Variants in GPR39 observed in about 807,000 individuals in gnomAD.
The protein encoded by GPR39 is zinc sensing receptor.
Under a neutral mutation model 18.4 loss-of-function variants are expected in GPR39, and 23 were observed. That is an observed-to-expected ratio of 1.25 (90% CI 0.90 to 1.77). The LOEUF (loss-of-function observed/expected upper bound fraction) is 1.77, where lower values mean the gene tolerates loss of function less well. Among genes scored for constraint, GPR39 ranks in the 40% most tolerant of loss-of-function variants. The probability of loss-of-function intolerance (pLI) is 0.00; values close to 1 mark genes in which losing one functional copy is unlikely to be tolerated. For missense variants in GPR39, 647 were observed against 602.4 expected (o/e 1.07, Z -0.78); for synonymous variants, 280 against 257.9 (o/e 1.09, Z -0.82).
intron 1 of GPR39, among the ~76,000 whole-genome samples, chr2:132,419,224 G>A (rs1679964778): frequency 6.6e-6 from 1 of 152,214 alleles, no homozygotes; most frequent in Admixed American, 6.5e-5. Context: ...ACTTTACTCT[G>A]TGTCTGCACA....
chr2:132,618,529 C>T (rs1169690953), intron 1 of GPR39, among the ~76,000 whole-genome samples: 1 of 152,026 alleles, frequency 6.6e-6, no homozygotes, highest in Admixed American at 6.6e-5. Context: ...TAAATGGGGA[C>T]AAAGAGTGAA....
chr2:132,595,546 C>T (rs578129504), intron 1 of GPR39, among the ~76,000 whole-genome samples: 10 of 152,254 alleles, frequency 6.6e-5, no homozygotes, highest in African/African-American at 2.4e-4. Flanking sequence ...ACATCCCCAC[C>T]ACTGGAGACG....
chr2:132,544,971 G>A (rs1404526514), intron 1 of GPR39, among the ~76,000 whole-genome samples: 1 of 152,218 alleles, frequency 6.6e-6, no homozygotes, highest in Non-Finnish European at 1.5e-5. Flanking sequence ...GTAGATATAT[G>A]TAAAATAGGT....
intron 1 of GPR39, among the ~76,000 whole-genome samples, chr2:132,619,174 G>T (rs1333324684): frequency 6.6e-6 from 1 of 152,180 alleles, no homozygotes; most frequent in African/African-American, 2.4e-5. Context: ...GCGAGATCAT[G>T]GTGAGGTGCA....
At chr2:132,619,830 GACACACACACACACACACAC>G (rs59907073) in intron 1 of GPR39, among the ~76,000 whole-genome samples, 11 of 138,570 alleles carry the variant, frequency 7.9e-5, no homozygotes, top group African/African-American at 3.1e-4. Context: ...CACAGACACA[GACACACACACACACACACAC>G]ACACACAGAC....
chr2:132,515,039 A>C (rs1679307117), intron 1 of GPR39, among the ~76,000 whole-genome samples: 1 of 152,240 alleles, frequency 6.6e-6, no homozygotes, highest in East Asian at 1.9e-4. Flanking sequence ...ACAAACCTCA[A>C]GTTCCCTAAC....
intron 1 of GPR39, among the ~76,000 whole-genome samples, chr2:132,510,830 T>C (rs112499251): frequency 8.4e-4 from 128 of 152,312 alleles, no homozygotes; most frequent in Non-Finnish European, 1.7e-3. Flanking sequence ...CTCAAGATGA[T>C]CTTTACCTGA....
chr2:132,519,741 A>C (rs143615537), intron 1 of GPR39, among the ~76,000 whole-genome samples: 1 of 152,276 alleles, frequency 6.6e-6, no homozygotes, highest in East Asian at 1.9e-4. Context: ...CCAGCACACA[A>C]GGCCCTCTGA....
intron 1 of GPR39, among the ~76,000 whole-genome samples, chr2:132,559,343 G>T (rs907048399): frequency 5.3e-5 from 8 of 152,164 alleles, no homozygotes; most frequent in Admixed American, 1.3e-4. Context: ...CACATGGAGG[G>T]TGAGGTGTTT....
At chr2:132,497,636 A>G (rs527844750) in intron 1 of GPR39, among the ~76,000 whole-genome samples, 13 of 152,276 alleles carry the variant, frequency 8.5e-5, no homozygotes, top group African/African-American at 3.1e-4. Context: ...ATTATTTCCC[A>G]CTTTGGAACA....
intron 1 of GPR39, among the ~76,000 whole-genome samples, chr2:132,445,774 G>A (rs1558800692): frequency 6.6e-6 from 1 of 152,158 alleles, no homozygotes; most frequent in Admixed American, 6.5e-5. Context: ...ATGATGATCT[G>A]CCTTCTAGAA....
chr2:132,473,653 T>C (rs1264057066), intron 1 of GPR39, among the ~76,000 whole-genome samples: 1 of 152,194 alleles, frequency 6.6e-6, no homozygotes, highest in Non-Finnish European at 1.5e-5. Flanking sequence ...ATCTAACTTA[T>C]CAGTTAGCAT....
At chr2:132,604,797 T>A (rs1007413380) in intron 1 of GPR39, 5 of 152,276 alleles carry the variant, frequency 3.3e-5, no homozygotes, top group Non-Finnish European at 7.3e-5. Context: ...GAGAGAGTTT[T>A]AGGCAGAGAG....
rs1680538762 is a variant in GPR39, at chr2:132,576,920, G to A, written c.857-68181G>A. ...GGCATGCTTATCAAAAATCGGTTGT[G>A]CATATTTGTTTGAATTTGTTTTCCT... On this transcript the variant is annotated intron_variant, in intron 1 of 1. Transcript: ENST00000329321. 2.0e-5 allele frequency among the ~76,000 whole-genome samples: 3 copies of A among 152,120 alleles called. 1 individual carries two copies. In the South Asian group the frequency reaches 6.2e-4, roughly 32 times the overall value.
chr2:132,619,289 G>A (rs1240315538), intron 1 of GPR39, among the ~76,000 whole-genome samples: 1 of 152,188 alleles, frequency 6.6e-6, no homozygotes, highest in Non-Finnish European at 1.5e-5. Flanking sequence ...TGGACTGGGT[G>A]GCTGAGAAAT....
At chr2:132,520,271 G>A (rs2104766157) in intron 1 of GPR39, among the ~76,000 whole-genome samples, 1 of 152,270 alleles carries the variant, frequency 6.6e-6, no homozygotes, top group Middle Eastern at 3.4e-3. Context: ...ATACTGCTGT[G>A]GTACTTGCAT....
chr2:132,444,394 C>T (rs748727924), intron 1 of GPR39, among the ~76,000 whole-genome samples: 2 of 151,992 alleles, frequency 1.3e-5, no homozygotes, highest in Admixed American at 1.3e-4. Flanking sequence ...GGGCTCAAGC[C>T]GTCTTCCCAC....
At chr2:132,641,346 C>A (rs200529900) in intron 1 of GPR39, among the ~76,000 whole-genome samples, 3 of 152,134 alleles carry the variant, frequency 2.0e-5, no homozygotes, top group East Asian at 3.9e-4. Flanking sequence ...TGTAGTGTAA[C>A]AAATACAGGC....
At chr2:132,512,420 T>A (rs192674901) in intron 1 of GPR39, among the ~76,000 whole-genome samples, 2 of 152,240 alleles carry the variant, frequency 1.3e-5, no homozygotes, top group East Asian at 3.9e-4. Context: ...GGCACCCTAA[T>A]GGCCTCCAAA....
Sources: allele counts gnomAD v4.1 joint callset (sites outside exome capture counted in the v4.1 genomes callset), GRCh38; gene constraint gnomAD v4.1.1; transcripts MANE v1.5; gene names NCBI Gene and HGNC (gene_info 2026-07-23, HGNC 2026-07-21).